The following ZNF684 variants were observed in gnomAD, a reference collection of about 807,000 sequenced individuals.
ZNF684 encodes hypothetical protein MGC27466.
A neutral mutation model predicts 12.8 loss-of-function variants in ZNF684; 13 were observed. The observed-to-expected ratio is 1.02, with a 90% CI of 0.66 to 1.62. The LOEUF (loss-of-function observed/expected upper bound fraction) is 1.62, where lower values mean the gene tolerates loss of function less well. Among genes scored for constraint, ZNF684 ranks in the 40% most tolerant of loss-of-function variants. ZNF684 has a pLI of 0.00. For missense variants in ZNF684, 384 were observed against 446.9 expected (o/e 0.86, Z 1.27); for synonymous variants, 118 against 151.8 (o/e 0.78, Z 1.64).
At chr1:40,544,319 G>T in intron 4 of ZNF684, 1 of 365,162 alleles carries the variant, frequency 2.7e-6, no homozygotes, top group East Asian at 1.0e-4. Context: ...GTGGTTTAGT[G>T]GTTAGGAAAA....
chr1:40,535,102 C>T (rs1268302088), intron 2 of ZNF684, among the ~76,000 whole-genome samples: 2 of 152,226 alleles, frequency 1.3e-5, no homozygotes, highest in Non-Finnish European at 2.9e-5. Flanking sequence ...GACAATCATA[C>T]ATTCCAAATG....
intron 3 of ZNF684, 151 bp from the exon 4 acceptor site, chr1:40,541,464 T>G: frequency 1.8e-6 from 1 of 560,498 alleles, no homozygotes; most frequent in Non-Finnish European, 3.3e-6. Context: ...ATTACAGGCG[T>G]GAGCCACCGC....
chr1:40,545,885 C>G (rs1646043594), intron 4 of ZNF684, among the ~76,000 whole-genome samples: 1 of 149,172 alleles, frequency 6.7e-6, no homozygotes, highest in Non-Finnish European at 1.5e-5. Flanking sequence ...CTGATATTTT[C>G]CCTTAATCCC....
At position 40,547,791 on chromosome 1, in the gene ZNF684, T is replaced by C. The variant is rs1646058148; in HGVS notation, c.*331T>C. 5.7e-6 allele frequency: 1 copy of C among 175,030 alleles called. No homozygotes were observed. The highest frequency in any genetic ancestry group is 2.4e-5 in the African/African-American group (1 of 41,916). The allele number at this position is 175,030 out of a possible 1,614,324, so 10.8% of individuals were successfully genotyped here. On this transcript the variant is annotated 3_prime_UTR_variant, in exon 5 of 5. Transcript: ENST00000372699. Reference sequence around the variant, plus strand: ...CAAGTGTGAGTTTAAAATATATGCTTATACATTATATTAAAGTATGCCTAT... The same window carrying C: ...CAAGTGTGAGTTTAAAATATATGCTCATACATTATATTAAAGTATGCCTAT...
chr1:40,545,206 A>G (rs1324945486), intron 4 of ZNF684, among the ~76,000 whole-genome samples: 1 of 152,238 alleles, frequency 6.6e-6, no homozygotes. Context: ...GCTGTAGCCC[A>G]CTACTCAGTC....
chr1:40,547,513 T>C lies in ZNF684; in HGVS notation c.*53T>C. The stretch of plus-strand genomic sequence containing the variant: ...TTATTAAATATTTGCTAAATCTTAT[T>C]AAATACTAAAGAATTCATGGTGAGA... On this transcript the variant is annotated 3_prime_UTR_variant, in exon 5 of 5. Transcript: ENST00000372699. 1.4e-6 allele frequency: 2 copies of C among 1,433,746 alleles called. No individual in the cohort carries two copies. The highest frequency in any genetic ancestry group is 2.3e-4 in the Middle Eastern group (1 of 4,426). The allele number at this position is 1,433,746 out of a possible 1,614,324, so 88.8% of individuals were successfully genotyped here.
At position 40,533,213 on chromosome 1, in the gene ZNF684, A is replaced by C. The variant is rs569881138; in HGVS notation, c.15+32A>C. The C allele has an allele frequency of 1.6e-5, 26 of 1,608,076 alleles. No individual in the cohort carries two copies. The Admixed American group carries it at 3.7e-4, about 23-fold the overall frequency. On this transcript the variant is annotated intron_variant, in intron 2 of 4. Transcript: ENST00000372699. ...TATCCATCTATTCATCCAGTTGTTT[A>C]AATCTCCCAAAAATCCATATGATAA...
chr1:40,536,529 A>G (rs1452031244), intron 2 of ZNF684, among the ~76,000 whole-genome samples: 8 of 98,824 alleles, frequency 8.1e-5, no homozygotes, highest in Admixed American at 1.1e-4. Flanking sequence ...TTTTTTTTTT[A>G]TACTTTAAGT....
chr1:40,544,158 G>A (rs1646031476), intron 4 of ZNF684, among the ~76,000 whole-genome samples: 1 of 151,666 alleles, frequency 6.6e-6, no homozygotes, highest in African/African-American at 2.4e-5. Context: ...TCATAGCAAT[G>A]TGGGAGATGT....
At chr1:40,541,778 A>T (rs891259820) in intron 4 of ZNF684, 68 bp downstream of exon 4, 2 of 1,312,268 alleles carry the variant, frequency 1.5e-6, no homozygotes, top group African/African-American at 1.5e-5. Flanking sequence ...AGGGACAGGA[A>T]GTTCTGAAAT....
rs1402228143 is a variant in ZNF684, at chr1:40,547,709, C to T, written c.*249C>T. On this transcript the variant is annotated 3_prime_UTR_variant, in exon 5 of 5. Coordinates refer to ENST00000372699, the MANE Select transcript of ZNF684 (RefSeq NM_152373.4). ...AGCATAACTTAAAAAATCAAAGAAC[C>T]AGTGAAAACTACATTTGCCATTCCT... The T allele has an allele frequency of 3.5e-6, 1 of 283,352 alleles. No homozygotes were observed. 17.6% of individuals were successfully genotyped at this position (283,352 alleles called of 1,614,324 possible).
intron 4 of ZNF684, among the ~76,000 whole-genome samples, chr1:40,541,949 A>G (rs1646019057): frequency 6.6e-6 from 1 of 152,064 alleles, no homozygotes; most frequent in Non-Finnish European, 1.5e-5. Context: ...CAGGCTTCTC[A>G]CACTGCCTGT....
intron 2 of ZNF684, among the ~76,000 whole-genome samples, chr1:40,535,344 C>T (rs1570105849): frequency 6.6e-6 from 1 of 152,190 alleles, no homozygotes; most frequent in African/African-American, 2.4e-5. Context: ...CATCCATATT[C>T]ATGGGTTTTG....
chr1:40,538,019 A>G (rs1645994369), intron 2 of ZNF684, among the ~76,000 whole-genome samples: 1 of 151,590 alleles, frequency 6.6e-6, no homozygotes, highest in Non-Finnish European at 1.5e-5. Context: ...ATAGTTTCCT[A>G]TTTTTCTTTT....
At chr1:40,532,615 T>C (rs1645963956) in intron 1 of ZNF684, among the ~76,000 whole-genome samples, 1 of 151,950 alleles carries the variant, frequency 6.6e-6, no homozygotes, top group African/African-American at 2.4e-5. Context: ...AGAGAAACAT[T>C]TGGAGTTTAA....
intron 2 of ZNF684, among the ~76,000 whole-genome samples, chr1:40,536,054 C>T (rs1645982067): frequency 6.6e-6 from 1 of 152,114 alleles, no homozygotes; most frequent in Non-Finnish European, 1.5e-5. Flanking sequence ...AATTTCGGTG[C>T]TTTTAACATT....
At chr1:40,534,647 G>A (rs1379159190) in intron 2 of ZNF684, among the ~76,000 whole-genome samples, 1 of 151,814 alleles carries the variant, frequency 6.6e-6, no homozygotes, top group Non-Finnish European at 1.5e-5. Context: ...AATGAGGTAG[G>A]CCTTTTTTTC....
chr1:40,546,745 C>T lies in ZNF684; in HGVS notation c.422C>T (p.Pro141Leu). ...TATAAATCGTTTGAGAAGTGTTTGC[C>T]ACCTAATTTAGACTTACTTAAATAT... is the stretch of plus-strand genomic sequence containing the variant. The part of the protein sequence containing the change: ...KSYKSFEKCL[P>L]PNLDLLKYNR... Residue 141 changes from proline to leucine, a missense_variant, in exon 5 of 5, where the codon CCA becomes CTA. Physicochemically the swap from Pro to Leu is moderately conservative, Grantham distance 98. Coordinates refer to ENST00000372699, the MANE Select transcript of ZNF684 (RefSeq NM_152373.4). 6.2e-7 allele frequency: 1 copy of T among 1,613,722 alleles called. No individual in the cohort carries two copies. Among genetic ancestry groups the T allele is most frequent in the Non-Finnish European group, 8.5e-7 (1 of 1,179,932 alleles).
intron 4 of ZNF684, among the ~76,000 whole-genome samples, chr1:40,545,915 CTTTTTTTTTTTTTTT>C (rs55993619): frequency 1.5e-5 from 1 of 67,906 alleles, no homozygotes; most frequent in Non-Finnish European, 2.7e-5. Context: ...GTCTCCTTTT[CTTTTTTTTTTTTTTT>C]TTTTTTTTTT....
Sources: allele counts gnomAD v4.1 joint callset (sites outside exome capture counted in the v4.1 genomes callset), GRCh38; gene constraint gnomAD v4.1.1; transcripts MANE v1.5; gene names NCBI Gene and HGNC (gene_info 2026-07-23, HGNC 2026-07-21).